The following CSMD1 variants were observed in gnomAD, a reference collection of about 807,000 sequenced individuals.
CSMD1 encodes the protein CUB and sushi domain-containing protein 1.
CSMD1 carries 213 observed loss-of-function variants against 417.5 expected under a neutral mutation model. The observed-to-expected ratio is 0.51, with a 90% CI of 0.46 to 0.57. The LOEUF is 0.57. Among genes scored for constraint, CSMD1 ranks in the 20% least tolerant of loss-of-function variants. CSMD1 has a pLI of 0.00. For missense variants in CSMD1, 6,923 were observed against 4,529.7 expected (o/e 1.53, Z -15.17); for synonymous variants, 2,862 against 1,736.8 (o/e 1.65, Z -16.11).
chr8:4,948,494 A>G (rs1053451444), intron 1 of CSMD1, among the ~76,000 whole-genome samples: 9 of 152,054 alleles, frequency 5.9e-5, no homozygotes, highest in African/African-American at 2.2e-4. Flanking sequence ...TTTAGATTGC[A>G]TAATGACCTT....
At chr8:3,329,668 C>T (rs1234682595) in intron 23 of CSMD1, among the ~76,000 whole-genome samples, 2 of 152,170 alleles carry the variant, frequency 1.3e-5, no homozygotes, top group Non-Finnish European at 2.9e-5. Context: ...AGTAAAGCCC[C>T]ATTACCAGAA....
intron 5 of CSMD1, among the ~76,000 whole-genome samples, chr8:3,848,044 A>G (rs567500425): frequency 6.6e-6 from 1 of 151,452 alleles, no homozygotes; most frequent in Non-Finnish European, 1.5e-5. Flanking sequence ...TATTTTGTCT[A>G]ATCTTCTTAC....
intron 1 of CSMD1, among the ~76,000 whole-genome samples, chr8:4,708,246 G>A (rs1465410252): frequency 6.6e-6 from 1 of 152,142 alleles, no homozygotes; most frequent in Non-Finnish European, 1.5e-5. Context: ...CACTGCATCT[G>A]GCCTTCAGTG....
At chr8:4,413,436 G>C (rs1796756300) in intron 3 of CSMD1, among the ~76,000 whole-genome samples, 1 of 152,160 alleles carries the variant, frequency 6.6e-6, no homozygotes, top group East Asian at 1.9e-4. Context: ...GGGCAGTTCA[G>C]CGTCTCTCTT....
rs868191891 is a variant in CSMD1, at chr8:3,102,563, A to G, written c.6949+3965T>C. 9.2e-5 allele frequency among the ~76,000 whole-genome samples: 14 copies of G among 152,340 alleles called. 1 individual carries two copies. The highest frequency in any genetic ancestry group is 3.4e-3 in the Middle Eastern group (1 of 294). Reference sequence around the variant, plus strand: ...GTGTTGATTTAGACATGTGCCACTTAAAGATGGGGACAGGCTGGGAGAAAT... The same window carrying G: ...GTGTTGATTTAGACATGTGCCACTTGAAGATGGGGACAGGCTGGGAGAAAT... On this transcript the variant is annotated intron_variant, in intron 46 of 69. Transcript: ENST00000635120.
intron 1 of CSMD1, among the ~76,000 whole-genome samples, chr8:4,873,374 C>A (rs900944934): frequency 6.6e-6 from 1 of 151,966 alleles, no homozygotes; most frequent in Non-Finnish European, 1.5e-5. Context: ...CGCAGATCAG[C>A]GATAGAGGAG....
intron 3 of CSMD1, among the ~76,000 whole-genome samples, chr8:4,104,277 T>A (rs60112970): frequency 0.15 from 22,386 of 152,232 alleles, 1,807 homozygotes; most frequent in South Asian, 0.33. Flanking sequence ...CCATCTTTTC[T>A]TTTGAGTTCT....
intron 4 of CSMD1, among the ~76,000 whole-genome samples, chr8:4,006,405 G>A (rs1406391188): frequency 1.3e-5 from 2 of 152,174 alleles, no homozygotes; most frequent in Non-Finnish European, 2.9e-5. Context: ...ATAGCTGGGT[G>A]TGGTGGTCCA....
intron 3 of CSMD1, among the ~76,000 whole-genome samples, chr8:4,250,262 G>C (rs1283052868): frequency 2.0e-5 from 3 of 152,146 alleles, no homozygotes; most frequent in African/African-American, 7.2e-5. Context: ...AGAACAAAAA[G>C]CCTCTCTAGT....
At chr8:4,109,609 G>C (rs1032503911) in intron 3 of CSMD1, among the ~76,000 whole-genome samples, 7 of 152,134 alleles carry the variant, frequency 4.6e-5, no homozygotes, top group Non-Finnish European at 1.0e-4. Context: ...TTTGGATATT[G>C]TTGGAATCAA....
intron 2 of CSMD1, among the ~76,000 whole-genome samples, chr8:4,440,901 G>C (rs546195965): frequency 2.0e-5 from 3 of 151,094 alleles, no homozygotes; most frequent in Non-Finnish European, 4.4e-5. Flanking sequence ...GGAGACTGAG[G>C]CATGAGAATC....
At chr8:3,639,644 A>T (rs1011486542) in intron 7 of CSMD1, among the ~76,000 whole-genome samples, 1 of 152,228 alleles carries the variant, frequency 6.6e-6, no homozygotes, top group Non-Finnish European at 1.5e-5. Context: ...CCTCATTTGA[A>T]CACTGTATCA....
intron 5 of CSMD1, among the ~76,000 whole-genome samples, chr8:3,934,013 C>G (rs1013273630): frequency 5.9e-5 from 9 of 152,124 alleles, no homozygotes; most frequent in African/African-American, 2.2e-4. Flanking sequence ...CGCCTAAGGC[C>G]TGAATCCACA....
intron 51 of CSMD1, among the ~76,000 whole-genome samples, chr8:3,026,380 C>A (rs887565173): frequency 1.3e-5 from 2 of 152,158 alleles, no homozygotes; most frequent in African/African-American, 4.8e-5. Flanking sequence ...CTGGACCTCA[C>A]TGGACCTCAC....
At chr8:4,366,264 T>TTTC (rs1554447136) in intron 3 of CSMD1, among the ~76,000 whole-genome samples, 4 of 148,490 alleles carry the variant, frequency 2.7e-5, no homozygotes, top group African/African-American at 1.0e-4. Context: ...CTTTTTTTTT[T>TTTC]CTGTTTTATG....
At chr8:3,892,875 G>C (rs958937566) in intron 5 of CSMD1, among the ~76,000 whole-genome samples, 12 of 151,946 alleles carry the variant, frequency 7.9e-5, no homozygotes, top group Admixed American at 3.3e-4. Flanking sequence ...GAGCAGGTGA[G>C]TGGAGAGGAT....
chr8:4,916,320 A>G (rs916602756), intron 1 of CSMD1, among the ~76,000 whole-genome samples: 3 of 152,242 alleles, frequency 2.0e-5, no homozygotes, highest in Non-Finnish European at 4.4e-5. Flanking sequence ...GATATTGTTG[A>G]CAATGTTTAT....
At chr8:4,011,002 A>G (rs1229395581) in intron 4 of CSMD1, among the ~76,000 whole-genome samples, 1 of 152,028 alleles carries the variant, frequency 6.6e-6, no homozygotes, top group Admixed American at 6.6e-5. Context: ...TTTCTGGGGG[A>G]TGACTGTTTC....
At chr8:3,850,844 A>T (rs1803855382) in intron 5 of CSMD1, among the ~76,000 whole-genome samples, 1 of 152,246 alleles carries the variant, frequency 6.6e-6, no homozygotes, top group African/African-American at 2.4e-5. Flanking sequence ...AAAAAATGAT[A>T]GATACTCTAC....
Sources: allele counts gnomAD v4.1 joint callset (sites outside exome capture counted in the v4.1 genomes callset), GRCh38; gene constraint gnomAD v4.1.1; transcripts MANE v1.5; gene names NCBI Gene and HGNC (gene_info 2026-07-23, HGNC 2026-07-21).